The following PCLO variants were observed in gnomAD, a reference collection of about 807,000 sequenced individuals.
PCLO encodes the protein piccolo presynaptic cytomatrix protein.
A neutral mutation model predicts 427.5 loss-of-function variants in PCLO; 82 were observed. The observed-to-expected ratio is 0.19, with a 90% CI of 0.16 to 0.23. PCLO has a LOEUF of 0.23. PCLO is among the 10% of genes least tolerant of loss of function. The pLI, the probability that PCLO is intolerant of heterozygous loss-of-function variation, is 1.00. For synonymous variants in PCLO, 2,357 were observed against 2,155.4 expected, an observed-to-expected ratio of 1.09 and a Z score of -2.59; for missense variants, 6,239 against 6,115.9, an observed-to-expected ratio of 1.02 and a Z score of -0.67.
At chr7:83,000,636 C>T (rs1787799807) in intron 3 of PCLO, among the ~76,000 whole-genome samples, 1 of 151,982 alleles carries the variant, frequency 6.6e-6, no homozygotes, top group Admixed American at 6.6e-5. Flanking sequence ...GTAGGGTTCA[C>T]ACTCCTTTGA....
At chr7:82,942,448 T>C (rs1251558638) in intron 6 of PCLO, among the ~76,000 whole-genome samples, 3 of 152,202 alleles carry the variant, frequency 2.0e-5, no homozygotes, top group African/African-American at 7.2e-5. Flanking sequence ...GTAACACAAA[T>C]GATTTGATTT....
In PCLO at chr7:82,801,513, C is replaced by T; in HGVS notation, c.15007+5G>A. ...CAAAATCCAATATTGTAAATTTTTA[C>T]TTACCTTCAGTGTCTGCTAGTCCTA... On this transcript the variant is annotated splice_donor_5th_base_variant and intron_variant, in intron 22 of 24. Coordinates refer to ENST00000333891, the MANE Select transcript of PCLO (RefSeq NM_033026.6). The T allele has an allele frequency of 6.6e-7, 1 of 1,517,816 alleles. No individual in the cohort carries two copies. Among genetic ancestry groups the T allele is most frequent in the Non-Finnish European group, 9.2e-7 (1 of 1,092,850 alleles). The allele number at this position is 1,517,816 out of a possible 1,614,324, so 94.0% of individuals were successfully genotyped here.
chr7:82,953,522 T>G lies in PCLO; in HGVS notation c.7431A>C (p.Arg2477Ser), dbSNP rs2116440683. 6.2e-7 allele frequency: 1 copy of G among 1,613,384 alleles called. No individual in the cohort carries two copies. Among genetic ancestry groups the G allele is most frequent in the Non-Finnish European group, 8.5e-7 (1 of 1,179,726 alleles). The stretch of plus-strand genomic sequence containing the variant: ...CAGGAGGAGGTGCAGTAGTACATAT[T>G]CTTGTAACAGGTAATCCATTACTTC... ...VLRSNGLPVTRICTTAPPPVP... is the reference protein window; with the variant it reads ...VLRSNGLPVTSICTTAPPPVP... Residue 2477 changes from arginine (R) to serine (S), a missense_variant, in exon 5 of 25, where the codon AGA becomes AGC. This residue lies in a region of PCLO where 4,677 missense variants were observed against 4,468.4 expected (regional missense o/e 1.05). Coordinates refer to ENST00000333891, the MANE Select transcript of PCLO (RefSeq NM_033026.6).
intron 3 of PCLO, among the ~76,000 whole-genome samples, chr7:83,010,460 T>A (rs1185161691): frequency 6.6e-6 from 1 of 151,762 alleles, no homozygotes; most frequent in East Asian, 1.9e-4. Context: ...ACTGAAATTA[T>A]CCTTCACTTA....
chr7:83,089,768 G>A (rs1790332096), intron 3 of PCLO, among the ~76,000 whole-genome samples: 9 of 152,060 alleles, frequency 5.9e-5, no homozygotes, highest in Admixed American at 5.9e-4. Flanking sequence ...GATCACTGAG[G>A]CAAAACATGG....
At chr7:83,110,491 C>G (rs1181895699) in intron 3 of PCLO, among the ~76,000 whole-genome samples, 1 of 152,014 alleles carries the variant, frequency 6.6e-6, no homozygotes, top group Middle Eastern at 3.2e-3. Flanking sequence ...TTGCCTTGTT[C>G]TTCTTTCCTG....
intron 20 of PCLO, chr7:82,820,624 G>A: frequency 8.1e-7 from 1 of 1,230,178 alleles, no homozygotes; most frequent in Non-Finnish European, 1.0e-6. Context: ...CCATGTAAAG[G>A]TAAATGAGTG....
At chr7:83,026,149 C>T (rs1280127946) in intron 3 of PCLO, among the ~76,000 whole-genome samples, 1 of 152,062 alleles carries the variant, frequency 6.6e-6, no homozygotes. Flanking sequence ...AATTAAAAGA[C>T]ACAGACTGGC....
Position 82,754,722 on chromosome 7 carries a change from A to G in PCLO, c.*3853T>C, listed in dbSNP as rs1407445422. The G allele has an allele frequency of 6.6e-6, 1 of 152,104 alleles. No individual in the cohort carries two copies. Among genetic ancestry groups the G allele is most frequent in the Non-Finnish European group, 1.5e-5 (1 of 67,966 alleles). 9.4% of individuals were successfully genotyped at this position (152,104 alleles called of 1,614,324 possible). ...AGAAAACAGCATTGTATCATATTCA[A>G]TGAGAATATTTGTTTCACTCATTCA... is the stretch of plus-strand genomic sequence containing the variant. On this transcript the variant is annotated 3_prime_UTR_variant, in exon 25 of 25. Transcript: ENST00000333891.
chr7:83,085,781 T>C (rs1205809600), intron 3 of PCLO, among the ~76,000 whole-genome samples: 2 of 152,130 alleles, frequency 1.3e-5, no homozygotes, highest in Admixed American at 6.5e-5. Flanking sequence ...CTAATGTAAA[T>C]AATAAATAGT....
At position 82,763,298 on chromosome 7, in the gene PCLO, T is replaced by G. The variant is rs539122558; in HGVS notation, c.15008-1805A>C. ...CTAGCACTTTCATGCACTATTACTT[T>G]GCACTACCAATATAAATATCAACCA... On this transcript the variant is annotated intron_variant, in intron 22 of 24. Coordinates refer to ENST00000333891, the MANE Select transcript of PCLO (RefSeq NM_033026.6). Among the ~76,000 whole-genome samples, 18 of 152,198 alleles carry G rather than the reference T, an allele frequency of 1.2e-4. No individual in the cohort carries two copies. In the South Asian group the frequency reaches 3.7e-3, roughly 31 times the overall value.
chr7:83,133,090 T>G (rs1791613896), intron 3 of PCLO, among the ~76,000 whole-genome samples: 2 of 152,020 alleles, frequency 1.3e-5, no homozygotes, highest in Non-Finnish European at 2.9e-5. Flanking sequence ...CAACAACATT[T>G]TCATACAGTG....
Position 82,900,559 on chromosome 7 carries a change from T to A in PCLO, c.13528+2092A>T, listed in dbSNP as rs989180931. Among the ~76,000 whole-genome samples, 4 of 151,682 alleles carry A rather than the reference T, an allele frequency of 2.6e-5. No homozygotes were observed. The East Asian group carries it at 5.9e-4, about 22-fold the overall frequency. On this transcript the variant is annotated intron_variant, in intron 9 of 24. Coordinates refer to ENST00000333891, the MANE Select transcript of PCLO (RefSeq NM_033026.6). ...ATTGATTTAAATATGGACTATTGATTGTAATATAAAAATTTCATACATCTT... is the reference window on the plus strand; with the variant it reads ...ATTGATTTAAATATGGACTATTGATAGTAATATAAAAATTTCATACATCTT...
At chr7:83,119,340 G>A (rs569413588) in intron 3 of PCLO, among the ~76,000 whole-genome samples, 1 of 152,192 alleles carries the variant, frequency 6.6e-6, no homozygotes, top group Admixed American at 6.5e-5. Flanking sequence ...TTTTGTTTGG[G>A]TGAAAGTGAG....
intron 22 of PCLO, among the ~76,000 whole-genome samples, chr7:82,796,845 T>G (rs1791233566): frequency 6.8e-6 from 1 of 147,466 alleles, no homozygotes; most frequent in Admixed American, 7.0e-5. Flanking sequence ...CTCAGATCAG[T>G]ATATGTACTG....
chr7:82,787,370 C>T (rs1791007040), intron 22 of PCLO, among the ~76,000 whole-genome samples: 1 of 152,106 alleles, frequency 6.6e-6, no homozygotes, highest in South Asian at 2.1e-4. Context: ...TGTTTATTGG[C>T]TGCATAAATA....
intron 4 of PCLO, among the ~76,000 whole-genome samples, chr7:82,957,353 G>C (rs1189927334): frequency 6.6e-6 from 1 of 152,080 alleles, no homozygotes; most frequent in Non-Finnish European, 1.5e-5. Flanking sequence ...GTTCAAGAAA[G>C]CATCAGACAA....
Position 82,916,484 on chromosome 7 carries a change from C to G in PCLO, c.11502G>C (p.Met3834Ile). 1 of 1,613,684 alleles carries G rather than the reference C, an allele frequency of 6.2e-7. No homozygotes were observed. The highest frequency in any genetic ancestry group is 1.1e-5 in the South Asian group (1 of 91,080). Residue 3834 changes from methionine to isoleucine, a missense_variant, in exon 7 of 25, where the codon ATG (methionine) becomes ATC (isoleucine). Physicochemically the swap from Met to Ile is conservative, Grantham distance 10 (BLOSUM62 1). Around this residue, in one of 5 missense-constraint regions of PCLO, gnomAD observed 680 missense variants for 677.3 expected, o/e 1.00. Transcript: ENST00000333891. ...LQGVAEDRDY[M>I]SDSEVSSTRP... ...TTGTGCTACTCACTTCACTGTCAGA[C>G]ATGTAATCACGATCCTCAGCTACTC...
intron 6 of PCLO, among the ~76,000 whole-genome samples, chr7:82,946,775 G>A (rs947380991): frequency 1.3e-5 from 2 of 152,146 alleles, no homozygotes; most frequent in South Asian, 2.1e-4. Flanking sequence ...TTTTGAATTT[G>A]ATGAGATCCT....
Sources: gnomAD v4.1 joint callset for allele counts (sites outside exome capture counted in the v4.1 genomes callset) on GRCh38, gnomAD v4.1.1 for gene constraint, gnomAD v4.1.1 regional missense constraint, MANE v1.5 for transcripts, NCBI Gene and HGNC (gene_info 2026-07-23, HGNC 2026-07-21) for gene names.